Variants in SPTLC3 observed in about 807,000 individuals in gnomAD.
The protein encoded by SPTLC3 is serine palmitoyltransferase long chain base subunit 3.
Under a neutral mutation model 59.3 loss-of-function variants are expected in SPTLC3, and 36 were observed. The observed-to-expected ratio is 0.61, with a 90% CI of 0.47 to 0.80. The LOEUF (loss-of-function observed/expected upper bound fraction) is 0.80, where lower values mean the gene tolerates loss of function less well. SPTLC3 is among the 30% of genes least tolerant of loss of function. The pLI is 0.00. For missense variants in SPTLC3, 625 were observed against 685.1 expected, an observed-to-expected ratio of 0.91 and a Z score of 0.98; for synonymous variants, 257 against 240.8, an observed-to-expected ratio of 1.07 and a Z score of -0.62.
At chr20:13,065,746 A>G (rs1385807211) in intron 2 of SPTLC3, among the ~76,000 whole-genome samples, 2 of 151,846 alleles carry the variant, frequency 1.3e-5, no homozygotes, top group Non-Finnish European at 2.9e-5. Flanking sequence ...CTTTTAACAT[A>G]TATGCATTTT....
intron 4 of SPTLC3, among the ~76,000 whole-genome samples, chr20:13,090,513 GAGA>G (rs1342256301): frequency 6.6e-6 from 1 of 152,212 alleles, no homozygotes; most frequent in East Asian, 1.9e-4. Flanking sequence ...AGTAAAAAGA[GAGA>G]AGAATTGTGG....
intron 3 of SPTLC3, chr20:13,074,044 G>C (rs112443763): frequency 4.7e-6 from 3 of 640,760 alleles, no homozygotes; most frequent in African/African-American, 1.8e-5. Flanking sequence ...AGCTGTGGCA[G>C]GTCCAAGTTG....
chr20:13,091,007 C>T (rs184068005), intron 4 of SPTLC3, 76 bp from the exon 5 acceptor site: 13 of 1,578,050 alleles, frequency 8.2e-6, no homozygotes, highest in East Asian at 2.3e-5. Flanking sequence ...GTGATGTGTA[C>T]GTACTGGAAT....
rs552136608 is a variant in SPTLC3, at chr20:13,154,007, G to T, written c.1284G>T (p.Leu428=). Reference sequence around the variant, plus strand: ...TTCACGCCTGTCTCTTTTCAGGGCTGCAGAGAGTACAGCAACTTGCGAAAA... The same window carrying T: ...TTCACGCCTGTCTCTTTTCAGGGCTTCAGAGAGTACAGCAACTTGCGAAAA... ...IMGLDGTTQG[L]QRVQQLAKNT... is the part of the protein sequence containing the mutation. Residue 428 remains leucine (L), a synonymous_variant, in exon 10 of 12, where the codon CTG becomes CTT. Coordinates refer to ENST00000399002, the MANE Select transcript of SPTLC3 (RefSeq NM_018327.4). The T allele has an allele frequency of 1.9e-6, 3 of 1,613,892 alleles. No homozygotes were observed. The highest frequency in any genetic ancestry group is 2.2e-5 in the East Asian group (1 of 44,882).
chr20:13,032,993 G>A (rs1414302953), intron 1 of SPTLC3, among the ~76,000 whole-genome samples: 4 of 152,170 alleles, frequency 2.6e-5, no homozygotes, highest in South Asian at 4.1e-4. Context: ...TCTGGGGTCA[G>A]TGAAGCCTAA....
intron 11 of SPTLC3, among the ~76,000 whole-genome samples, chr20:13,162,745 T>C (rs1159047247): frequency 6.6e-6 from 1 of 152,128 alleles, no homozygotes; most frequent in Non-Finnish European, 1.5e-5. Flanking sequence ...TATAAATATA[T>C]AGCCAGCCAG....
chr20:13,117,776 G>A, intron 8 of SPTLC3, 51 bp downstream of exon 8: 1 of 1,502,084 alleles, frequency 6.7e-7, no homozygotes, highest in Non-Finnish European at 9.0e-7. Flanking sequence ...CCCTGGGGAT[G>A]CCGTGTGTAG....
intron 10 of SPTLC3, among the ~76,000 whole-genome samples, chr20:13,157,785 T>C (rs1227990800): frequency 6.6e-6 from 1 of 152,170 alleles, no homozygotes; most frequent in Admixed American, 6.5e-5. Context: ...TGTGTTTCCT[T>C]CTGTGATATT....
At chr20:13,044,989 TCCC>T (rs1429122933) in intron 1 of SPTLC3, among the ~76,000 whole-genome samples, 2 of 109,658 alleles carry the variant, frequency 1.8e-5, no homozygotes, top group Non-Finnish European at 3.8e-5. Context: ...GTCATTTGTG[TCCC>T]CACCACACAC....
intron 11 of SPTLC3, chr20:13,164,442 A>G (rs557930204): frequency 1.4e-5 from 7 of 496,502 alleles, no homozygotes; most frequent in African/African-American, 9.8e-5. Flanking sequence ...ATAAGTCACT[A>G]CATTTTAAAA....
chr20:13,075,836 C>CA (rs1465020960), intron 4 of SPTLC3, among the ~76,000 whole-genome samples: 1 of 152,182 alleles, frequency 6.6e-6, no homozygotes, highest in East Asian at 1.9e-4. Flanking sequence ...AACAACCCCC[C>CA]AACTCAGTGA....
At chr20:13,115,286 A>T (rs1275353985) in intron 7 of SPTLC3, among the ~76,000 whole-genome samples, 4 of 152,136 alleles carry the variant, frequency 2.6e-5, no homozygotes, top group Non-Finnish European at 5.9e-5. Context: ...AACTCTATAA[A>T]AGCTGAGTTC....
chr20:13,106,493 C>G lies in SPTLC3; in HGVS notation c.827-3619C>G, dbSNP rs541826777. Among the ~76,000 whole-genome samples, 7 of 152,278 alleles carry G rather than the reference C, an allele frequency of 4.6e-5. 1 individual carries two copies. In the South Asian group the frequency reaches 1.2e-3, roughly 27 times the overall value. On this transcript the variant is annotated intron_variant, in intron 6 of 11. Coordinates refer to ENST00000399002, the MANE Select transcript of SPTLC3 (RefSeq NM_018327.4). ...GGTTAAGACTTCAGTGATGAGTGAG[C>G]ATTCTCCAGACAGACAAGAGGAAAA...
chr20:13,093,068 A>G (rs977173563), intron 5 of SPTLC3, among the ~76,000 whole-genome samples: 1 of 152,094 alleles, frequency 6.6e-6, no homozygotes, highest in African/African-American at 2.4e-5. Flanking sequence ...ATTGTCCTGC[A>G]CAAAAGACCC....
rs760715541 is a variant in SPTLC3 at position 13,080,822 on chromosome 20, T to C, written c.607+6325T>C. On this transcript the variant is annotated intron_variant, in intron 4 of 11. Coordinates refer to ENST00000399002, the MANE Select transcript of SPTLC3 (RefSeq NM_018327.4). ...TAAGTATTTAAACTTGAATAAAGTATTTAAATATGTTCAAGAATAATCATT... is the reference window on the plus strand; with the variant it reads ...TAAGTATTTAAACTTGAATAAAGTACTTAAATATGTTCAAGAATAATCATT... 2.9e-4 allele frequency among the ~76,000 whole-genome samples: 44 copies of C among 152,214 alleles called. 1 individual carries two copies. Among genetic ancestry groups the C allele is most frequent in the Admixed American group, 2.6e-3 (40 of 15,284 alleles).
At chr20:13,137,826 C>A (rs985100132) in intron 9 of SPTLC3, among the ~76,000 whole-genome samples, 1 of 152,180 alleles carries the variant, frequency 6.6e-6, no homozygotes, top group Non-Finnish European at 1.5e-5. Context: ...AACAGCTAAT[C>A]CTCTCATATT....
At chr20:13,043,982 C>T (rs555347435) in intron 1 of SPTLC3, among the ~76,000 whole-genome samples, 1 of 152,194 alleles carries the variant, frequency 6.6e-6, no homozygotes, top group South Asian at 2.1e-4. Flanking sequence ...AACTTAGTGT[C>T]ACTCTTCAGT....
intron 3 of SPTLC3, among the ~76,000 whole-genome samples, chr20:13,072,970 ATAATT>A (rs1231796033): frequency 3.3e-5 from 5 of 152,254 alleles, no homozygotes; most frequent in African/African-American, 9.6e-5. Flanking sequence ...AGTACATGTA[ATAATT>A]TAATACATTC....
intron 1 of SPTLC3, among the ~76,000 whole-genome samples, chr20:13,028,676 C>T (rs1182011618): frequency 6.6e-6 from 1 of 151,732 alleles, no homozygotes; most frequent in Non-Finnish European, 1.5e-5. Flanking sequence ...TTAGACTAAC[C>T]AACAAGTAGA....
Sources: gnomAD v4.1 joint callset for allele counts (sites outside exome capture counted in the v4.1 genomes callset) on GRCh38, gnomAD v4.1.1 for gene constraint, MANE v1.5 for transcripts, NCBI Gene and HGNC (gene_info 2026-07-23, HGNC 2026-07-21) for gene names.